TMTC1: variants seen among roughly 807,000 people sequenced by gnomAD.
TMTC1 encodes transmembrane O-mannosyltransferase targeting cadherins 1.
TMTC1 carries 73 observed loss-of-function variants against 104.8 expected under a neutral mutation model. The ratio of observed to expected loss-of-function variants is 0.70; its 90% CI spans 0.58 to 0.85. TMTC1 has a LOEUF of 0.85. TMTC1 is among the 40% of genes least tolerant of loss of function. The probability of loss-of-function intolerance (pLI) is 0.00; values close to 1 mark genes in which losing one functional copy is unlikely to be tolerated. For missense variants in TMTC1, 1,035 were observed against 1,096.1 expected (o/e 0.94, Z 0.79); for synonymous variants, 434 against 428.7 (o/e 1.01, Z -0.15).
At chr12:29,566,729 C>T (rs1945527125) in intron 9 of TMTC1, among the ~76,000 whole-genome samples, 1 of 152,214 alleles carries the variant, frequency 6.6e-6, no homozygotes, top group Non-Finnish European at 1.5e-5. Context: ...GCCCTCATTG[C>T]TTACGGATAT....
intron 10 of TMTC1, among the ~76,000 whole-genome samples, chr12:29,542,298 G>A (rs769119032): frequency 6.6e-6 from 1 of 152,170 alleles, no homozygotes; most frequent in Non-Finnish European, 1.5e-5. Flanking sequence ...AGGACTCTCA[G>A]AGCTTCTGGT....
At chr12:29,641,485 G>C (rs994570136) in intron 5 of TMTC1, among the ~76,000 whole-genome samples, 1 of 152,146 alleles carries the variant, frequency 6.6e-6, no homozygotes, top group Non-Finnish European at 1.5e-5. Flanking sequence ...ATCCAGAAGA[G>C]AGACAATAAT....
At chr12:29,758,266 C>T (rs1009727888) in intron 3 of TMTC1, among the ~76,000 whole-genome samples, 1 of 152,154 alleles carries the variant, frequency 6.6e-6, no homozygotes, top group African/African-American at 2.4e-5. Context: ...ACTTTATACT[C>T]AGCTTTGTCA....
chr12:29,716,552 A>G (rs1184888133), intron 5 of TMTC1, among the ~76,000 whole-genome samples: 1 of 152,144 alleles, frequency 6.6e-6, no homozygotes, highest in Non-Finnish European at 1.5e-5. Flanking sequence ...TTAGAGCCTA[A>G]GGATATGGGA....
intron 7 of TMTC1, among the ~76,000 whole-genome samples, chr12:29,587,056 A>T (rs1043041876): frequency 3.3e-5 from 5 of 152,078 alleles, no homozygotes; most frequent in African/African-American, 1.2e-4. Flanking sequence ...CTGTGAATCC[A>T]TCTGGCCCTG....
rs560150732 is a variant in TMTC1 at position 29,606,017 on chromosome 12, C to T, written c.1129-1718G>A. On this transcript the variant is annotated intron_variant, in intron 6 of 17. Coordinates refer to ENST00000539277, the MANE Select transcript of TMTC1 (RefSeq NM_001193451.2). ...TCAGGATAATGGCCTTTAACAGCCT[C>T]CATGTTGCAGCAAAAGACATGATTT... 2.6e-5 allele frequency among the ~76,000 whole-genome samples: 4 copies of T among 152,308 alleles called. No individual in the cohort carries two copies. In the South Asian group the frequency reaches 6.2e-4, roughly 24 times the overall value.
At chr12:29,551,250 G>C (rs138949709) in intron 10 of TMTC1, among the ~76,000 whole-genome samples, 1 of 152,256 alleles carries the variant, frequency 6.6e-6, no homozygotes, top group East Asian at 1.9e-4. Flanking sequence ...AAAAGGTAGA[G>C]AAAAACTACT....
chr12:29,613,028 T>G (rs1439013670), intron 6 of TMTC1, among the ~76,000 whole-genome samples: 6 of 152,142 alleles, frequency 3.9e-5, no homozygotes, highest in African/African-American at 1.4e-4. Flanking sequence ...CTACACACAT[T>G]CTTAACTTGT....
chr12:29,702,456 C>G (rs1287669252), intron 5 of TMTC1, among the ~76,000 whole-genome samples: 1 of 152,158 alleles, frequency 6.6e-6, no homozygotes, highest in South Asian at 2.1e-4. Flanking sequence ...CAGCTGTTCA[C>G]CGGAGGTTTC....
At chr12:29,652,227 T>C (rs1229142490) in intron 5 of TMTC1, among the ~76,000 whole-genome samples, 1 of 152,164 alleles carries the variant, frequency 6.6e-6, no homozygotes, top group Non-Finnish European at 1.5e-5. Flanking sequence ...CCCATGAGAA[T>C]GTAAGGTTCT....
chr12:29,530,747 T>C (rs957517789), intron 11 of TMTC1, among the ~76,000 whole-genome samples: 3 of 152,186 alleles, frequency 2.0e-5, no homozygotes, highest in Non-Finnish European at 4.4e-5. Flanking sequence ...CAACCCATTA[T>C]AAGAAGTAAA....
chr12:29,536,897 T>C (rs1212265759), intron 10 of TMTC1, among the ~76,000 whole-genome samples: 1 of 152,246 alleles, frequency 6.6e-6, no homozygotes, highest in Non-Finnish European at 1.5e-5. Context: ...TTTATCATCA[T>C]ATTTTTACTG....
At chr12:29,611,128 AG>A (rs1198102754) in intron 6 of TMTC1, among the ~76,000 whole-genome samples, 4 of 151,856 alleles carry the variant, frequency 2.6e-5, no homozygotes, top group Non-Finnish European at 5.9e-5. Flanking sequence ...TTAAAATCAG[AG>A]GATTTATAAA....
chr12:29,725,011 G>GTTTTTTTTTTT lies in TMTC1; in HGVS notation c.938+26654_938+26655insAAAAAAAAAAA, dbSNP rs879602127. On this transcript the variant is annotated intron_variant, in intron 5 of 17. Transcript: ENST00000539277. ...CGTAGTTTAGCTATATATCTGCCAA[G>GTTTTTTTTTTT]TTCTTTTTTTTTTTTTTTTTTTTTT... Among the ~76,000 whole-genome samples, 186 of 115,634 alleles carry GTTTTTTTTTTT rather than the reference G, an allele frequency of 1.6e-3. 26 individuals carry two copies. The highest frequency in any genetic ancestry group is 3.1e-3 in the African/African-American group (99 of 32,252). The allele number at this position is 115,634 out of a possible 152,430, so 75.9% of individuals were successfully genotyped here.
intron 10 of TMTC1, among the ~76,000 whole-genome samples, chr12:29,553,397 T>C (rs994229306): frequency 1.3e-5 from 2 of 152,214 alleles, no homozygotes; most frequent in Non-Finnish European, 2.9e-5. Context: ...GCTCTTATCA[T>C]TATTTTAATC....
At chr12:29,743,601 T>A (rs1942881373) in intron 5 of TMTC1, among the ~76,000 whole-genome samples, 1 of 152,138 alleles carries the variant, frequency 6.6e-6, no homozygotes, top group Non-Finnish European at 1.5e-5. Flanking sequence ...GATCAAAACA[T>A]GTGCCAGACA....
intron 12 of TMTC1, among the ~76,000 whole-genome samples, chr12:29,518,978 T>C (rs891382959): frequency 2.6e-5 from 4 of 152,172 alleles, no homozygotes; most frequent in African/African-American, 4.8e-5. Context: ...ATATAAAAAA[T>C]AGAACAGGCT....
At chr12:29,668,626 A>C (rs10843473) in intron 5 of TMTC1, among the ~76,000 whole-genome samples, 32,489 of 151,724 alleles carry the variant, frequency 0.21, 3,885 homozygotes, top group East Asian at 0.29. Context: ...ATGCCTGGCT[A>C]ATTTTTGTAC....
At chr12:29,555,525 C>T (rs938306373) in intron 10 of TMTC1, among the ~76,000 whole-genome samples, 20 of 151,860 alleles carry the variant, frequency 1.3e-4, no homozygotes, top group Non-Finnish European at 1.8e-4. Context: ...CTCCCTGTGT[C>T]CATGTGTTCT....
Sources: gnomAD v4.1 joint callset for allele counts (sites outside exome capture counted in the v4.1 genomes callset) on GRCh38, gnomAD v4.1.1 for gene constraint, MANE v1.5 for transcripts, NCBI Gene and HGNC (gene_info 2026-07-23, HGNC 2026-07-21) for gene names.